The following TMEFF1 variants were observed in gnomAD, a reference collection of about 807,000 sequenced individuals.
TMEFF1 encodes the protein transmembrane protein with EGF like and two follistatin like domains 1.
Under a neutral mutation model 47.5 loss-of-function variants are expected in TMEFF1, and 20 were observed. The ratio of observed to expected loss-of-function variants is 0.42; its 90% CI spans 0.30 to 0.61. TMEFF1 has a LOEUF of 0.61. TMEFF1 is among the 20% of genes least tolerant of loss of function. The pLI, the probability that TMEFF1 is intolerant of heterozygous loss-of-function variation, is 0.19. For synonymous variants in TMEFF1, 162 were observed against 166.3 expected (o/e 0.97, Z 0.20); for missense variants, 411 against 471.1 (o/e 0.87, Z 1.18).
intron 7 of TMEFF1, among the ~76,000 whole-genome samples, chr9:100,551,538 C>T (rs1296510489): frequency 6.6e-6 from 1 of 152,166 alleles, no homozygotes; most frequent in African/African-American, 2.4e-5. Flanking sequence ...TATTTGGAAG[C>T]TCATACTTAG....
intron 5 of TMEFF1, 43 bp from the exon 6 acceptor site, chr9:100,547,701 A>G: frequency 7.0e-7 from 1 of 1,428,180 alleles, no homozygotes; most frequent in East Asian, 2.7e-5. Context: ...ATTGTGAAAT[A>G]TTTTTGTTGT....
chr9:100,548,089 A>G (rs575775598), intron 6 of TMEFF1, among the ~76,000 whole-genome samples, 197 bp downstream of exon 6: 2 of 151,852 alleles, frequency 1.3e-5, no homozygotes, highest in East Asian at 1.9e-4. Flanking sequence ...GACATAAACC[A>G]TGCTTCTTGG....
intron 2 of TMEFF1, among the ~76,000 whole-genome samples, chr9:100,504,129 G>T (rs897736644): frequency 6.6e-6 from 1 of 152,170 alleles, no homozygotes; most frequent in African/African-American, 2.4e-5. Context: ...AAGGTACAGG[G>T]GAGAGTTCTT....
intron 5 of TMEFF1, among the ~76,000 whole-genome samples, chr9:100,531,503 T>C (rs1838376762): frequency 6.6e-6 from 1 of 151,946 alleles, no homozygotes; most frequent in Non-Finnish European, 1.5e-5. Context: ...TCAAAGAGAA[T>C]AAAATACCTA....
At chr9:100,529,860 A>C (rs1385301256) in intron 5 of TMEFF1, among the ~76,000 whole-genome samples, 2 of 152,198 alleles carry the variant, frequency 1.3e-5, no homozygotes, top group Non-Finnish European at 2.9e-5. Context: ...TCTCCTCAGC[A>C]AATGTAAAAG....
intron 5 of TMEFF1, among the ~76,000 whole-genome samples, chr9:100,536,382 G>A (rs1482454862): frequency 1.3e-5 from 2 of 152,122 alleles, no homozygotes; most frequent in Non-Finnish European, 2.9e-5. Flanking sequence ...TTTATGCTGA[G>A]CCTTGAGGAA....
chr9:100,565,226 C>T (rs1218321157), intron 8 of TMEFF1, among the ~76,000 whole-genome samples: 1 of 152,142 alleles, frequency 6.6e-6, no homozygotes, highest in East Asian at 1.9e-4. Context: ...CCTAGCAATT[C>T]TTCTATCCCA....
chr9:100,483,432 G>T (rs1453872734), intron 1 of TMEFF1, among the ~76,000 whole-genome samples: 1 of 152,146 alleles, frequency 6.6e-6, no homozygotes, highest in Non-Finnish European at 1.5e-5. Flanking sequence ...GGGAGGTGGA[G>T]GTTGCAGTGA....
chr9:100,542,923 C>CTTTTTT (rs34994276), intron 5 of TMEFF1, among the ~76,000 whole-genome samples: 6 of 104,584 alleles, frequency 5.7e-5, no homozygotes, highest in Admixed American at 1.1e-4. Context: ...CTCTCTCTCT[C>CTTTTTT]TTTTTTTTTT....
chr9:100,528,965 C>T (rs1415423585), intron 5 of TMEFF1, among the ~76,000 whole-genome samples: 1 of 146,368 alleles, frequency 6.8e-6, no homozygotes, highest in East Asian at 2.0e-4. Flanking sequence ...GAATTTTCAA[C>T]CCAGAATTTC....
intron 2 of TMEFF1, 41 bp downstream of exon 2, chr9:100,498,915 C>T (rs776522676): frequency 1.8e-5 from 28 of 1,580,390 alleles, no homozygotes; most frequent in East Asian, 2.3e-5. Context: ...TTATATTCTT[C>T]GTATTTTATA....
chr9:100,519,324 C>T (rs1186038484), intron 5 of TMEFF1, among the ~76,000 whole-genome samples: 2 of 152,046 alleles, frequency 1.3e-5, no homozygotes, highest in Admixed American at 1.3e-4. Context: ...AGGAGAATTG[C>T]TTGAACCTGG....
intron 8 of TMEFF1, among the ~76,000 whole-genome samples, chr9:100,572,017 C>G (rs933203284): frequency 1.3e-5 from 2 of 152,096 alleles, no homozygotes; most frequent in Non-Finnish European, 1.5e-5. Context: ...AGAAGCTTTG[C>G]TTACTTGCCC....
intron 2 of TMEFF1, among the ~76,000 whole-genome samples, chr9:100,501,745 A>G (rs1192421563): frequency 6.6e-6 from 1 of 152,026 alleles, no homozygotes; most frequent in South Asian, 2.1e-4. Context: ...CCCGGGTTCA[A>G]ATGATTCTCC....
intron 1 of TMEFF1, among the ~76,000 whole-genome samples, chr9:100,489,001 C>G (rs1439800884): frequency 1.3e-5 from 2 of 152,236 alleles, no homozygotes; most frequent in Non-Finnish European, 2.9e-5. Context: ...GTGATCATCA[C>G]TATCTACCAT....
chr9:100,482,103 C>G (rs1186751832), intron 1 of TMEFF1, among the ~76,000 whole-genome samples: 1 of 151,416 alleles, frequency 6.6e-6, no homozygotes, highest in African/African-American at 2.4e-5. Context: ...AAAAAAGTTA[C>G]ATTGGTTGTT....
At chr9:100,487,239 C>T (rs1489674670) in intron 1 of TMEFF1, among the ~76,000 whole-genome samples, 1 of 152,158 alleles carries the variant, frequency 6.6e-6, no homozygotes. Flanking sequence ...TCTTGGCTCA[C>T]TGCAACCTCT....
chr9:100,506,128 T>A (rs929944635), intron 2 of TMEFF1, among the ~76,000 whole-genome samples: 6 of 152,224 alleles, frequency 3.9e-5, no homozygotes, highest in African/African-American at 1.2e-4. Context: ...TTACTAGAAG[T>A]TGTTTTTACC....
At chr9:100,539,982 G>A (rs1413306288) in intron 5 of TMEFF1, among the ~76,000 whole-genome samples, 2 of 152,138 alleles carry the variant, frequency 1.3e-5, no homozygotes, top group Non-Finnish European at 2.9e-5. Flanking sequence ...GCGCTGATGG[G>A]TGTGTTTATA....
Sources: gnomAD v4.1 joint callset for allele counts (sites outside exome capture counted in the v4.1 genomes callset) on GRCh38, gnomAD v4.1.1 for gene constraint, MANE v1.5 for transcripts, NCBI Gene and HGNC (gene_info 2026-07-23, HGNC 2026-07-21) for gene names.